Variants in EML1 observed in about 807,000 individuals in gnomAD.
EML1 encodes EMAP like 1, also known as echinoderm microtubule-associated protein-like 1.
In EML1, 27 loss-of-function variants were observed where a neutral mutation model predicts 110.4. The ratio of observed to expected loss-of-function variants is 0.24; its 90% CI spans 0.18 to 0.34. The LOEUF (loss-of-function observed/expected upper bound fraction) is 0.34, where lower values mean the gene tolerates loss of function less well. Ranked by LOEUF, EML1 falls within the 10% of genes least tolerant of loss-of-function variation. EML1 has a pLI of 1.00. For missense variants in EML1, 741 were observed against 1,030.9 expected (o/e 0.72, Z 3.85); for synonymous variants, 344 against 385.8 (o/e 0.89, Z 1.27).
intron 1 of EML1, among the ~76,000 whole-genome samples, chr14:99,747,342 G>T (rs754076855): frequency 6.6e-6 from 1 of 152,180 alleles, no homozygotes; most frequent in Non-Finnish European, 1.5e-5. Flanking sequence ...CTCTGGCCCA[G>T]GAGAAAGGCA....
intron 1 of EML1, among the ~76,000 whole-genome samples, chr14:99,750,545 T>C (rs2057164310): frequency 6.6e-6 from 1 of 152,228 alleles, no homozygotes; most frequent in Non-Finnish European, 1.5e-5. Flanking sequence ...TGTATCCTTG[T>C]GTGCAAAACA....
At chr14:99,854,773 T>G (rs1054939911) in intron 2 of EML1, among the ~76,000 whole-genome samples, 2 of 152,208 alleles carry the variant, frequency 1.3e-5, no homozygotes, top group Non-Finnish European at 2.9e-5. Context: ...GAGCTTGGAT[T>G]ACCATGTAGT....
At chr14:99,841,808 C>T (rs2058638676) in intron 1 of EML1, among the ~76,000 whole-genome samples, 1 of 152,162 alleles carries the variant, frequency 6.6e-6, no homozygotes, top group Admixed American at 6.5e-5. Context: ...GAGATCACAA[C>T]GTGGGAGATC....
chr14:99,787,268 C>CTTTT (rs34680462), intron 1 of EML1, among the ~76,000 whole-genome samples: 150 of 101,528 alleles, frequency 1.5e-3, no homozygotes, highest in Middle Eastern at 6.8e-3. Flanking sequence ...CTCTGAGATT[C>CTTTT]TTTTTTTTTT....
chr14:99,789,943 G>C (rs146072335), upstream of EML1, among the ~76,000 whole-genome samples: 2 of 152,300 alleles, frequency 1.3e-5, no homozygotes, highest in East Asian at 3.9e-4. Context: ...TTAATTTTCA[G>C]AGATTTTTCT....
intron 4 of EML1, among the ~76,000 whole-genome samples, chr14:99,887,146 A>G (rs1168155192): frequency 6.6e-6 from 1 of 152,144 alleles, no homozygotes; most frequent in Non-Finnish European, 1.5e-5. Flanking sequence ...CTCCCCATAC[A>G]GCTGCTGGTC....
rs2060117337 is a variant in EML1 at position 99,920,819 on chromosome 14, C to T, written c.1851C>T (p.Asp617=). The T allele has an allele frequency of 6.2e-7, 1 of 1,613,674 alleles. No homozygotes were observed. The highest frequency in any genetic ancestry group is 1.3e-5 in the African/African-American group (1 of 74,908). The change falls in exon 17 of 22, where the codon GAC becomes GAT. Residue 617 remains aspartate (D), a synonymous_variant. Transcript: ENST00000262233. Reference sequence around the variant, plus strand: ...TTGTGTTTGACACAGAAACAAAAGACTTGGTCACCGTTCACACAGATGGAA... The same window carrying T: ...TTGTGTTTGACACAGAAACAAAAGATTTGGTCACCGTTCACACAGATGGAA... ...RWFVFDTETK[D]LVTVHTDGNE... is the part of the protein sequence containing the mutation.
At chr14:99,891,327 A>T in intron 5 of EML1, 100 bp downstream of exon 5, 3 of 1,477,732 alleles carry the variant, frequency 2.0e-6, no homozygotes, top group Non-Finnish European at 2.8e-6. Context: ...AGCCTTGGAC[A>T]CACAGGAGCT....
In EML1 at chr14:99,940,265, G is replaced by C; in HGVS notation, c.*153G>C. Reference sequence around the variant, plus strand: ...GGCTACCTTAGCTTAGCGTGTCAGCGGGCGCCACAGCGGATCAGCGGTTCC... The same window carrying C: ...GGCTACCTTAGCTTAGCGTGTCAGCCGGCGCCACAGCGGATCAGCGGTTCC... On this transcript the variant is annotated 3_prime_UTR_variant, in exon 22 of 22. Transcript: ENST00000262233. 9.3e-7 allele frequency: 1 copy of C among 1,079,632 alleles called. No homozygotes were observed. The highest frequency in any genetic ancestry group is 1.2e-6 in the Non-Finnish European group (1 of 813,136). 66.9% of individuals were successfully genotyped at this position (1,079,632 alleles called of 1,614,324 possible).
chr14:99,841,835 A>G (rs1185050649), intron 1 of EML1, among the ~76,000 whole-genome samples: 2 of 152,160 alleles, frequency 1.3e-5, no homozygotes, highest in Admixed American at 1.3e-4. Context: ...CAATACTGAG[A>G]TAGAGACACC....
intron 1 of EML1, among the ~76,000 whole-genome samples, chr14:99,849,947 C>T (rs1182618365): frequency 1.3e-5 from 2 of 148,816 alleles, no homozygotes; most frequent in African/African-American, 2.5e-5. Flanking sequence ...GCGACCCTGT[C>T]ACCCGGGGTC....
intron 1 of EML1, among the ~76,000 whole-genome samples, chr14:99,740,254 T>G (rs2140158203): frequency 6.6e-6 from 1 of 152,268 alleles, no homozygotes; most frequent in Middle Eastern, 3.4e-3. Flanking sequence ...GTCACCCAGC[T>G]GGTCAATGGC....
chr14:99,914,872 G>T, intron 15 of EML1, 175 bp downstream of exon 15: 1 of 781,360 alleles, frequency 1.3e-6, no homozygotes, highest in Non-Finnish European at 1.9e-6. Context: ...TTTTAACATT[G>T]CCTCGTGGCC....
chr14:99,921,021 C>A (rs904468164), intron 17 of EML1, 144 bp downstream of exon 17: 1 of 680,590 alleles, frequency 1.5e-6, no homozygotes, highest in Admixed American at 3.1e-5. Flanking sequence ...CCATCACCCA[C>A]GTATTAAGCC....
intron 1 of EML1, among the ~76,000 whole-genome samples, chr14:99,805,471 T>C (rs1321799513): frequency 6.6e-6 from 1 of 152,130 alleles, no homozygotes; most frequent in East Asian, 1.9e-4. Flanking sequence ...TTTCTTTTCT[T>C]CTTCTTCTTT....
At chr14:99,776,705 T>A (rs1233334373) in intron 1 of EML1, among the ~76,000 whole-genome samples, 1 of 152,196 alleles carries the variant, frequency 6.6e-6, no homozygotes, top group African/African-American at 2.4e-5. Flanking sequence ...ACGAGTAATA[T>A]TGGCCGTAAG....
At chr14:99,873,201 C>T (rs1011657711) in intron 3 of EML1, among the ~76,000 whole-genome samples, 5 of 152,096 alleles carry the variant, frequency 3.3e-5, no homozygotes, top group African/African-American at 4.8e-5. Flanking sequence ...TGACAATAGG[C>T]CAAGCTATGT....
chr14:99,755,827 G>A (rs2057245363), intron 1 of EML1, among the ~76,000 whole-genome samples: 1 of 152,158 alleles, frequency 6.6e-6, no homozygotes, highest in African/African-American at 2.4e-5. Context: ...GCTGCAAGAG[G>A]AAGTGTGGCC....
At chr14:99,911,860 C>A (rs1320934632) in intron 13 of EML1, among the ~76,000 whole-genome samples, 1 of 151,768 alleles carries the variant, frequency 6.6e-6, no homozygotes, top group East Asian at 1.9e-4. Context: ...TTATAAAAAT[C>A]TGTCTTCTCT....
Sources: gnomAD v4.1 joint callset for allele counts (sites outside exome capture counted in the v4.1 genomes callset) on GRCh38, gnomAD v4.1.1 for gene constraint, MANE v1.5 for transcripts, NCBI Gene and HGNC (gene_info 2026-07-23, HGNC 2026-07-21) for gene names.